The following PDE1C variants were observed in gnomAD, a reference collection of about 807,000 sequenced individuals.
PDE1C encodes the protein dual specificity calcium/calmodulin-dependent 3',5'-cyclic nucleotide phosphodiesterase 1C.
A neutral mutation model predicts 93.1 loss-of-function variants in PDE1C; 62 were observed. That is an observed-to-expected ratio of 0.67 (90% confidence interval 0.54 to 0.82). The LOEUF is 0.82. PDE1C is among the 40% of genes least tolerant of loss of function. PDE1C has a pLI of 0.00. For missense variants in PDE1C, 742 were observed against 884.6 expected (o/e 0.84, Z 2.04); for synonymous variants, 325 against 310.1 (o/e 1.05, Z -0.50).
intron 3 of PDE1C, among the ~76,000 whole-genome samples, chr7:32,095,025 C>T (rs1797676130): frequency 6.6e-6 from 1 of 152,188 alleles, no homozygotes; most frequent in Non-Finnish European, 1.5e-5. Context: ...CATATCTTTC[C>T]ACTAATTTAT....
At chr7:31,968,790 C>T (rs1023994489) in intron 2 of PDE1C, among the ~76,000 whole-genome samples, 6 of 152,074 alleles carry the variant, frequency 3.9e-5, no homozygotes, top group South Asian at 2.1e-4. Flanking sequence ...GAGATATAGA[C>T]AAATGGAACA....
the PDE1C span, among the ~76,000 whole-genome samples, chr7:31,655,402 C>T: frequency 6.6e-6 from 1 of 152,198 alleles, no homozygotes; most frequent in African/African-American, 2.4e-5. Flanking sequence ...AACATAGGTG[C>T]TTCCTAACTG....
chr7:32,203,294 A>G (rs1418589203), intron 2 of PDE1C, among the ~76,000 whole-genome samples: 3 of 152,004 alleles, frequency 2.0e-5, no homozygotes, highest in Non-Finnish European at 4.4e-5. Context: ...CCTCCTAGCC[A>G]TAACAACTGA....
chr7:31,837,012 G>T (rs1238730010), intron 11 of PDE1C, among the ~76,000 whole-genome samples, 168 bp downstream of exon 11: 6 of 152,222 alleles, frequency 3.9e-5, no homozygotes, highest in Middle Eastern at 3.4e-3. Flanking sequence ...CAGTATTTAG[G>T]TAAGATTCAA....
chr7:31,900,445 T>C (rs1261240261), intron 2 of PDE1C, among the ~76,000 whole-genome samples: 1 of 151,510 alleles, frequency 6.6e-6, no homozygotes, highest in South Asian at 2.1e-4. Flanking sequence ...TATACAATCC[T>C]TTATTGAAAG....
intron 7 of PDE1C, among the ~76,000 whole-genome samples, chr7:31,852,970 C>T (rs374687957): frequency 1.5e-5 from 2 of 136,258 alleles, no homozygotes; most frequent in Non-Finnish European, 3.1e-5. Context: ...TCTAAGGTCA[C>T]GTAAAGTTAA....
At chr7:31,852,087 T>C (rs1414335384) in intron 7 of PDE1C, among the ~76,000 whole-genome samples, 1 of 152,196 alleles carries the variant, frequency 6.6e-6, no homozygotes, top group Non-Finnish European at 1.5e-5. Context: ...TGAGTTAAAA[T>C]GAACATTTAA....
chr7:31,663,832 A>G, the PDE1C span, among the ~76,000 whole-genome samples: 2 of 152,074 alleles, frequency 1.3e-5, no homozygotes, highest in Non-Finnish European at 2.9e-5. Flanking sequence ...TGTTTGGGAA[A>G]TTTTCAACCA....
At chr7:31,684,593 A>C in the PDE1C span, among the ~76,000 whole-genome samples, 3 of 152,240 alleles carry the variant, frequency 2.0e-5, no homozygotes, top group African/African-American at 7.2e-5. Flanking sequence ...GTCCCATTAG[A>C]AGGTAGACAA....
At chr7:31,739,237 A>ACACACC in the PDE1C span, among the ~76,000 whole-genome samples, 4 of 148,532 alleles carry the variant, frequency 2.7e-5, no homozygotes, top group African/African-American at 7.6e-5. Flanking sequence ...ACACACACAC[A>ACACACC]CCAGCTCTTC....
chr7:32,031,136 C>A (rs1790251465), intron 2 of PDE1C, among the ~76,000 whole-genome samples: 1 of 152,138 alleles, frequency 6.6e-6, no homozygotes, highest in South Asian at 2.1e-4. Flanking sequence ...ATGAATGTGG[C>A]TATTCTTTGG....
intron 3 of PDE1C, among the ~76,000 whole-genome samples, chr7:32,116,339 A>T (rs1218441010): frequency 6.6e-6 from 1 of 151,974 alleles, no homozygotes; most frequent in Non-Finnish European, 1.5e-5. Context: ...TTGCCAAAGG[A>T]TGCTTCTAAC....
the PDE1C span, among the ~76,000 whole-genome samples, chr7:31,622,150 A>T: frequency 7.3e-6 from 1 of 136,158 alleles, no homozygotes. Flanking sequence ...CCACACATTA[A>T]TAATGGGAGA....
intron 9 of PDE1C, among the ~76,000 whole-genome samples, chr7:31,846,015 GT>G (rs1223615525): frequency 6.6e-6 from 1 of 151,738 alleles, no homozygotes; most frequent in African/African-American, 2.4e-5. Context: ...ATAATAAAAG[GT>G]TTGAATATGG....
chr7:31,878,501 A>G (rs931296911), intron 4 of PDE1C, among the ~76,000 whole-genome samples: 1 of 152,218 alleles, frequency 6.6e-6, no homozygotes, highest in African/African-American at 2.4e-5. Flanking sequence ...TAATTACACT[A>G]TAAGGATTAT....
At chr7:32,094,622 C>T (rs1433948777) in intron 3 of PDE1C, among the ~76,000 whole-genome samples, 2 of 152,182 alleles carry the variant, frequency 1.3e-5, no homozygotes, top group African/African-American at 2.4e-5. Context: ...GAGTCCCAAG[C>T]TCTATCATTA....
chr7:31,622,424 A>T, the PDE1C span, among the ~76,000 whole-genome samples: 10 of 152,100 alleles, frequency 6.6e-5, no homozygotes, highest in African/African-American at 2.4e-4. Context: ...ACCACAGTGC[A>T]ATCAAACTAG....
intron 3 of PDE1C, among the ~76,000 whole-genome samples, chr7:31,879,933 A>G (rs1247922962): frequency 6.6e-6 from 1 of 152,106 alleles, no homozygotes; most frequent in Non-Finnish European, 1.5e-5. Flanking sequence ...AGACTTACCA[A>G]TTGGGGTGGA....
At chr7:31,682,088 GC>G in the PDE1C span, among the ~76,000 whole-genome samples, 5 of 152,108 alleles carry the variant, frequency 3.3e-5, no homozygotes, top group Admixed American at 3.3e-4. Context: ...ACCTCCCTGG[GC>G]CTCACTTTCT....
Sources: allele counts gnomAD v4.1 joint callset (sites outside exome capture counted in the v4.1 genomes callset), GRCh38; gene constraint gnomAD v4.1.1; transcripts MANE v1.5; gene names NCBI Gene and HGNC (gene_info 2026-07-23, HGNC 2026-07-21).